ST13: variants seen among roughly 807,000 people sequenced by gnomAD.
ST13 encodes the protein ST13 Hsp70 interacting protein.
A neutral mutation model predicts 56.7 loss-of-function variants in ST13; 23 were observed. The ratio of observed to expected loss-of-function variants is 0.41; its 90% CI spans 0.29 to 0.57. The LOEUF is 0.57. ST13 is among the 20% of genes least tolerant of loss of function. ST13 has a pLI of 0.36. For synonymous variants in ST13, 132 were observed against 142.4 expected, an observed-to-expected ratio of 0.93 and a Z score of 0.52; for missense variants, 369 against 459.9, an observed-to-expected ratio of 0.80 and a Z score of 1.81.
intron 3 of ST13, among the ~76,000 whole-genome samples, chr22:40,845,123 TG>T (rs1167754575): frequency 2.0e-5 from 3 of 152,218 alleles, no homozygotes; most frequent in African/African-American, 7.2e-5. Flanking sequence ...ATTATCAGGT[TG>T]TAGTGGGGTT....
Position 40,834,379 on chromosome 22 carries a change from A to G in ST13, c.578+1181T>C, listed in dbSNP as rs1369792675. On this transcript the variant is annotated intron_variant, in intron 7 of 11. Transcript: ENST00000216218. ...TTTTAAGGTATTGTAATTCTGAAAC[A>G]GTTTTATGTATATCACAGCATTGTA... Among the ~76,000 whole-genome samples the G allele has an allele frequency of 5.9e-5, 9 of 152,220 alleles. No homozygotes were observed. The South Asian group carries it at 1.7e-3, about 28-fold the overall frequency.
rs749047791 is a variant in ST13, at chr22:40,832,248, C to T, written c.681+321G>A. ...TAAATAAGGACACATCAGATTCAAT[C>T]CTGGGTAATGCTAATTATAGATTTT... On this transcript the variant is annotated intron_variant, in intron 8 of 11. Transcript: ENST00000216218. The T allele has an allele frequency of 8.3e-6, 4 of 479,740 alleles. No individual in the cohort carries two copies. In the East Asian group the frequency reaches 2.0e-4, roughly 24 times the overall value. The allele number at this position is 479,740 out of a possible 1,614,324, so 29.7% of individuals were successfully genotyped here.
intron 11 of ST13, 81 bp downstream of exon 11, chr22:40,827,015 G>A: frequency 3.4e-6 from 5 of 1,459,924 alleles, no homozygotes; most frequent in Non-Finnish European, 4.7e-6. Context: ...ATAGCTATGA[G>A]AGTAACCTTT....
chr22:40,827,991 C>T (rs183779496), intron 10 of ST13, among the ~76,000 whole-genome samples: 118 of 152,248 alleles, frequency 7.8e-4, no homozygotes, highest in African/African-American at 2.1e-3. Context: ...TTAATTCATA[C>T]GAGTTTAGTT....
At chr22:40,856,244 G>C (rs556871173) in intron 1 of ST13, among the ~76,000 whole-genome samples, 187 bp downstream of exon 1, 2 of 152,176 alleles carry the variant, frequency 1.3e-5, no homozygotes, top group African/African-American at 4.8e-5. Flanking sequence ...TCTGCCTCCT[G>C]CTCCCCGCGG....
intron 3 of ST13, 113 bp from the exon 4 acceptor site, chr22:40,845,022 T>C (rs2057823935): frequency 4.4e-6 from 3 of 686,820 alleles, no homozygotes; most frequent in East Asian, 5.8e-5. Context: ...ATTTTAAGTA[T>C]TGATGCATTT....
At chr22:40,830,457 C>T (rs971100666) in intron 9 of ST13, among the ~76,000 whole-genome samples, 3 of 152,098 alleles carry the variant, frequency 2.0e-5, no homozygotes, top group Admixed American at 6.6e-5. Flanking sequence ...CCTTGCCCTG[C>T]TAGAATCATT....
intron 5 of ST13, among the ~76,000 whole-genome samples, chr22:40,838,897 C>A: frequency 7.3e-6 from 1 of 136,860 alleles, no homozygotes; most frequent in East Asian, 2.0e-4. Flanking sequence ...TCCAGAGAAA[C>A]AGTATAGCAT....
intron 1 of ST13, among the ~76,000 whole-genome samples, chr22:40,855,884 G>T (rs150382178): frequency 0.029 from 4,427 of 152,166 alleles, 200 homozygotes; most frequent in African/African-American, 0.1. Context: ...AGTAACGGAG[G>T]TATAATAAGT....
At position 40,856,577 on chromosome 22, in the gene ST13, G is replaced by A. The variant is rs755424375; in HGVS notation, c.-37C>T. On this transcript the variant is annotated 5_prime_UTR_variant, in exon 1 of 12. Transcript: ENST00000216218. ...GGTGGGCGAAACTGGGGGGGCTACG[G>A]CCCGGTTCCAGGCCCAGGCGCTGGC... 1.9e-6 allele frequency: 3 copies of A among 1,570,340 alleles called. No individual in the cohort carries two copies. The highest frequency in any genetic ancestry group is 2.3e-4 in the Middle Eastern group (1 of 4,418).
In ST13 at chr22:40,856,554, T is replaced by A; in HGVS notation, c.-14A>T. 1 of 1,603,872 alleles carries A rather than the reference T, an allele frequency of 6.2e-7. No homozygotes were observed. Among genetic ancestry groups the A allele is most frequent in the Non-Finnish European group, 8.5e-7 (1 of 1,172,918 alleles). ...GCGGGGGTCCATGGTAGGGAGGTGG[T>A]GGGCGAAACTGGGGGGGCTACGGCC... On this transcript the variant is annotated 5_prime_UTR_variant, in exon 1 of 12. Coordinates refer to ENST00000216218, the MANE Select transcript of ST13 (RefSeq NM_003932.5).
At chr22:40,848,394 C>G (rs138344) in intron 2 of ST13, 25 bp from the exon 3 acceptor site, 674,195 of 1,441,420 alleles carry the variant, frequency 0.47, 164,753 homozygotes, top group Admixed American at 0.7. Flanking sequence ...ACAAACAGTA[C>G]TATCAGTATT....
Position 40,826,396 on chromosome 22 carries a change from G to A in ST13, c.*142C>T, listed in dbSNP as rs1271406559. ...TAAAATGCTTCAGCTGCATTTGGGG[G>A]AGAGGGGTAGGGATTATCTTCAAAG... On this transcript the variant is annotated 3_prime_UTR_variant, in exon 12 of 12. Transcript: ENST00000216218. 3.1e-6 allele frequency: 2 copies of A among 647,840 alleles called. No homozygotes were observed. The highest frequency in any genetic ancestry group is 5.0e-6 in the Non-Finnish European group (2 of 400,548). 40.1% of individuals were successfully genotyped at this position (647,840 alleles called of 1,614,324 possible).
chr22:40,854,511 G>A (rs1169279053), intron 1 of ST13: 1 of 152,192 alleles, frequency 6.6e-6, no homozygotes, highest in Non-Finnish European at 1.5e-5. Flanking sequence ...TTGGGAGATA[G>A]TAGTGCCTGA....
chr22:40,847,040 T>C (rs1167912617), intron 3 of ST13, among the ~76,000 whole-genome samples: 2 of 151,862 alleles, frequency 1.3e-5, no homozygotes, highest in African/African-American at 4.8e-5. Flanking sequence ...TGATTCAAAA[T>C]TTAAAACATT....
chr22:40,840,074 C>T (rs1188179795), intron 5 of ST13, among the ~76,000 whole-genome samples: 5 of 151,980 alleles, frequency 3.3e-5, no homozygotes, highest in Non-Finnish European at 7.4e-5. Flanking sequence ...TGCTTGAACC[C>T]GGGAGGCGGA....
At chr22:40,844,762 C>T (rs1242622123) in intron 4 of ST13, 77 bp downstream of exon 4, 16 of 1,212,200 alleles carry the variant, frequency 1.3e-5, no homozygotes, top group Middle Eastern at 1.9e-4. Context: ...CTGGAAGAAT[C>T]GTGTCATAAA....
At chr22:40,841,383 GC>G (rs917465910) in intron 4 of ST13, among the ~76,000 whole-genome samples, 4 of 151,426 alleles carry the variant, frequency 2.6e-5, no homozygotes, top group Admixed American at 2.6e-4. Context: ...CCCTACCCCT[GC>G]AAAAAAAGAA....
rs187739457 is a variant in ST13 at position 40,841,783 on chromosome 22, G to C, written c.316-1091C>G. Among the ~76,000 whole-genome samples, 62 of 151,700 alleles carry C rather than the reference G, an allele frequency of 4.1e-4. 1 individual carries two copies. The East Asian group carries it at 0.012, about 28-fold the overall frequency. ...TTGCTTTTTTTTTTTTATAGAGACGGGTTTTCATCATGCTGCCCAGGCTGG... is the reference window on the plus strand; with the variant it reads ...TTGCTTTTTTTTTTTTATAGAGACGCGTTTTCATCATGCTGCCCAGGCTGG... On this transcript the variant is annotated intron_variant, in intron 4 of 11. Coordinates refer to ENST00000216218, the MANE Select transcript of ST13 (RefSeq NM_003932.5).
Sources: allele counts gnomAD v4.1 joint callset (sites outside exome capture counted in the v4.1 genomes callset), GRCh38; gene constraint gnomAD v4.1.1; transcripts MANE v1.5; gene names NCBI Gene and HGNC (gene_info 2026-07-23, HGNC 2026-07-21).